Variants in TUT4 observed in about 807,000 individuals in gnomAD.
The protein encoded by TUT4 is terminal uridylyl transferase 4.
Under a neutral mutation model 192.2 loss-of-function variants are expected in TUT4, and 36 were observed. The ratio of observed to expected loss-of-function variants is 0.19; its 90% CI spans 0.14 to 0.25. TUT4 has a LOEUF of 0.25. Among genes scored for constraint, TUT4 ranks in the 10% least tolerant of loss-of-function variants. The pLI is 1.00. For synonymous variants in TUT4, 618 were observed against 666.0 expected, an observed-to-expected ratio of 0.93 and a Z score of 1.11; for missense variants, 1,493 against 1,957.2, an observed-to-expected ratio of 0.76 and a Z score of 4.47.
At chr1:52,539,931 G>A (rs1484274472) in intron 1 of TUT4, among the ~76,000 whole-genome samples, 2 of 147,910 alleles carry the variant, frequency 1.4e-5, no homozygotes, top group Admixed American at 6.7e-5. Flanking sequence ...AAAAAAAACA[G>A]GCCAGGCGCG....
chr1:52,532,979 T>C (rs1683904414), intron 1 of TUT4, among the ~76,000 whole-genome samples: 2 of 152,234 alleles, frequency 1.3e-5, no homozygotes, highest in Non-Finnish European at 2.9e-5. Context: ...TCAACCATCA[T>C]GTTCTAATCC....
In TUT4 at chr1:52,423,641, A is replaced by T. The variant is rs1467201229; in HGVS notation, c.*294T>A. 8.8e-6 allele frequency: 4 copies of T among 452,780 alleles called. No individual in the cohort carries two copies. Among genetic ancestry groups the T allele is most frequent in the Non-Finnish European group, 1.5e-5 (4 of 261,166 alleles). 28.0% of individuals were successfully genotyped at this position (452,780 alleles called of 1,614,324 possible). On this transcript the variant is annotated 3_prime_UTR_variant, in exon 30 of 30. Coordinates refer to ENST00000257177, the MANE Select transcript of TUT4 (RefSeq NM_001009881.3). ...GTTAAACAAAACATAAAATTCCCTT[A>T]AAAATAGGGTAATAAAATAGATGAA...
intron 3 of TUT4, chr1:52,515,574 C>T (rs571072897): frequency 4.9e-5 from 23 of 469,142 alleles, no homozygotes; most frequent in Middle Eastern, 5.5e-4. Flanking sequence ...TGGCTATATT[C>T]CAATAAAATG....
At chr1:52,528,531 T>G (rs1378398377) in intron 1 of TUT4, among the ~76,000 whole-genome samples, 1 of 150,876 alleles carries the variant, frequency 6.6e-6, no homozygotes, top group Admixed American at 6.6e-5. Context: ...AAAATCAGGA[T>G]GTTTTTTACT....
Position 52,425,525 on chromosome 1 carries a change from G to A in TUT4, c.4712-18C>T, listed in dbSNP as rs1649572842. On this transcript the variant is annotated intron_variant, in intron 28 of 29. Transcript: ENST00000257177. ...GCCTGGCTCTGCATTTCAACAAGAG[G>A]GAAAAAGACATTTAAAAACATTAGT... The A allele has an allele frequency of 1.3e-6, 2 of 1,592,830 alleles. No homozygotes were observed. The highest frequency in any genetic ancestry group is 1.7e-6 in the Non-Finnish European group (2 of 1,169,814).
At chr1:52,464,702 GAA>G (rs960418254) in intron 16 of TUT4, among the ~76,000 whole-genome samples, 28 of 152,288 alleles carry the variant, frequency 1.8e-4, no homozygotes, top group African/African-American at 6.7e-4. Flanking sequence ...ATCATCTAAT[GAA>G]AGAGATATGA....
intron 1 of TUT4, among the ~76,000 whole-genome samples, chr1:52,547,499 G>A (rs765428564): frequency 1.3e-4 from 20 of 151,882 alleles, no homozygotes; most frequent in African/African-American, 4.6e-4. Context: ...TAAGTTTATC[G>A]AAACACCCAG....
chr1:52,533,510 GGTCGTTACTATACTTTCACTACAGTT>G, intron 1 of TUT4, among the ~76,000 whole-genome samples: 1 of 152,122 alleles, frequency 6.6e-6, no homozygotes, highest in Non-Finnish European at 1.5e-5. Flanking sequence ...GGAGCTTTCT[GGTCGTTACTATACTTTCACTACAGTT>G]GTCGTTATAC....
At chr1:52,458,726 G>A (rs1385148018) in intron 19 of TUT4, among the ~76,000 whole-genome samples, 1 of 152,034 alleles carries the variant, frequency 6.6e-6, no homozygotes, top group Non-Finnish European at 1.5e-5. Context: ...GGGGAAACAG[G>A]TACTCTCACA....
At chr1:52,433,514 GAAAGATTA>G (rs769744211) in intron 27 of TUT4, 5 of 152,162 alleles carry the variant, frequency 3.3e-5, no homozygotes, top group Non-Finnish European at 7.3e-5. Context: ...GGGTTGAAAG[GAAAGATTA>G]ACTATATTTT....
intron 4 of TUT4, among the ~76,000 whole-genome samples, chr1:52,497,741 A>C (rs1672818839): frequency 6.6e-6 from 1 of 152,240 alleles, no homozygotes; most frequent in Non-Finnish European, 1.5e-5. Flanking sequence ...ATATGCAATG[A>C]CTTTTATTAA....
rs1557608100 is a variant in TUT4 at position 52,425,215 on chromosome 1, C to T, written c.4870+134G>A. 3 of 1,128,970 alleles carry T rather than the reference C, an allele frequency of 2.7e-6. No homozygotes were observed. The East Asian group carries it at 7.3e-5, about 27-fold the overall frequency. 69.9% of individuals were successfully genotyped at this position (1,128,970 alleles called of 1,614,324 possible). ...TTTACAAGCACCTAGCACCATCTGA[C>T]ACACAGTATAATTTCTCAGTAAATG... is the stretch of plus-strand genomic sequence containing the variant. On this transcript the variant is annotated intron_variant, in intron 29 of 29. Transcript: ENST00000257177.
intron 1 of TUT4, among the ~76,000 whole-genome samples, chr1:52,538,339 CAAAT>C (rs1685528350): frequency 6.6e-6 from 1 of 151,848 alleles, no homozygotes; most frequent in South Asian, 2.1e-4. Flanking sequence ...ACATGAAAGA[CAAAT>C]AAATGCTCTT....
chr1:52,451,713 G>T (rs1659478338), intron 20 of TUT4, among the ~76,000 whole-genome samples: 1 of 151,790 alleles, frequency 6.6e-6, no homozygotes, highest in African/African-American at 2.4e-5. Context: ...TATGGTGGCG[G>T]GCACCTGTAA....
In TUT4 at chr1:52,468,241, G is replaced by C. The variant is rs753708506; in HGVS notation, c.2905C>G (p.Gln969Glu). 6.2e-7 allele frequency: 1 copy of C among 1,607,074 alleles called. No individual in the cohort carries two copies. Among genetic ancestry groups the C allele is most frequent in the Non-Finnish European group, 8.5e-7 (1 of 1,178,314 alleles). The change falls in exon 15 of 30, where the codon CAA becomes GAA. Residue 969 changes from glutamine to glutamate, a missense_variant. Physicochemically the swap from Gln to Glu is conservative, Grantham distance 29. Coordinates refer to ENST00000257177, the MANE Select transcript of TUT4 (RefSeq NM_001009881.3). ...FDELSPPCSEQHNREQILIGL... is the reference protein window; with the variant it reads ...FDELSPPCSEEHNREQILIGL... Reference sequence around the variant, plus strand: ...ATTAAAATTTGCTCCCTGTTGTGTTGTTCAGAACAAGGTGGTGATAACTCA... The same window carrying C: ...ATTAAAATTTGCTCCCTGTTGTGTTCTTCAGAACAAGGTGGTGATAACTCA...
intron 20 of TUT4, among the ~76,000 whole-genome samples, chr1:52,449,659 C>T (rs1174306258): frequency 6.6e-6 from 1 of 152,140 alleles, no homozygotes; most frequent in Non-Finnish European, 1.5e-5. Context: ...CCATCATAAG[C>T]ATACAGTCCT....
intron 4 of TUT4, among the ~76,000 whole-genome samples, chr1:52,499,658 C>T (rs1041923798): frequency 2.0e-5 from 3 of 152,030 alleles, no homozygotes; most frequent in African/African-American, 7.2e-5. Context: ...GGCTTGAGCC[C>T]CGGAGGTGGA....
Position 52,538,914 on chromosome 1 carries a change from C to T in TUT4, c.-93-12541G>A, listed in dbSNP as rs528214801. Among the ~76,000 whole-genome samples, 13 of 152,242 alleles carry T rather than the reference C, an allele frequency of 8.5e-5. No homozygotes were observed. The South Asian group carries it at 2.7e-3, about 32-fold the overall frequency. On this transcript the variant is annotated intron_variant, in intron 1 of 29. Transcript: ENST00000257177. ...AAGTGGCTTACACCTGTAATCCCAA[C>T]ACTTTAGGGCACCAAGACAATTCTC...
At chr1:52,461,073 TTA>T (rs1662423994) in intron 19 of TUT4, 59 bp downstream of exon 19, 2 of 1,377,446 alleles carry the variant, frequency 1.5e-6, no homozygotes, top group Non-Finnish European at 2.0e-6. Context: ...AAATCTGACA[TTA>T]GTTATGTTTC....
Sources: allele counts gnomAD v4.1 joint callset (sites outside exome capture counted in the v4.1 genomes callset), GRCh38; gene constraint gnomAD v4.1.1; transcripts MANE v1.5; gene names NCBI Gene and HGNC (gene_info 2026-07-23, HGNC 2026-07-21).